PCDHGB2: variants seen among roughly 807,000 people sequenced by gnomAD.
PCDHGB2 encodes the protein protocadherin gamma subfamily B, 2, also known as protocadherin gamma-B2.
A neutral mutation model predicts 59.3 loss-of-function variants in PCDHGB2; 55 were observed. That is an observed-to-expected ratio of 0.93 (90% CI 0.75 to 1.16). The LOEUF is 1.16. PCDHGB2 is among the 50% of genes most tolerant of loss of function. PCDHGB2 has a pLI of 0.00. For synonymous variants in PCDHGB2, 516 were observed against 512.0 expected (o/e 1.01, Z -0.11); for missense variants, 1,228 against 1,198.5 (o/e 1.02, Z -0.36).
At chr5:141,452,839 C>A (rs939513310) in intron 1 of PCDHGB2, among the ~76,000 whole-genome samples, 2 of 152,092 alleles carry the variant, frequency 1.3e-5, no homozygotes, top group Non-Finnish European at 2.9e-5. Flanking sequence ...TTGGTCCAGC[C>A]CACACTCTGG....
At chr5:141,457,500 A>G (rs1483244745) in intron 1 of PCDHGB2, among the ~76,000 whole-genome samples, 1 of 152,244 alleles carries the variant, frequency 6.6e-6, no homozygotes, top group African/African-American at 2.4e-5. Context: ...AAATGTAGGC[A>G]AAAAGCTTAA....
intron 1 of PCDHGB2, among the ~76,000 whole-genome samples, chr5:141,446,827 C>A (rs922071842): frequency 6.6e-6 from 1 of 152,114 alleles, no homozygotes; most frequent in Non-Finnish European, 1.5e-5. Context: ...TGGGTAGATC[C>A]TTATAAGGCT....
chr5:141,487,824 C>A lies in PCDHGB2; in HGVS notation c.2422-6983C>A. The stretch of plus-strand genomic sequence containing the variant: ...TCACAGTTTAGCATTGGGGGCGGGT[C>A]ATGCCTATATCTGAGTAAGAAATGA... On this transcript the variant is annotated intron_variant, in intron 1 of 3. Coordinates refer to ENST00000522605, the MANE Select transcript of PCDHGB2 (RefSeq NM_018923.3). This position sits in a 1 kb window ranked among gnomAD's most constrained non-coding sequence, Gnocchi z 5.0. 2 of 1,247,252 alleles carry A rather than the reference C, an allele frequency of 1.6e-6. No individual in the cohort carries two copies. The highest frequency in any genetic ancestry group is 2.9e-5 in the South Asian group (2 of 68,154). The allele number at this position is 1,247,252 out of a possible 1,614,324, so 77.3% of individuals were successfully genotyped here. A position where few individuals can be genotyped will look rare whatever the true frequency, so the allele number is the denominator to read the frequency against.
At chr5:141,422,806 C>T (rs868426196) in intron 1 of PCDHGB2, 2 of 1,614,208 alleles carry the variant, frequency 1.2e-6, no homozygotes, top group Non-Finnish European at 1.7e-6. Flanking sequence ...TGAGCAGTTT[C>T]GAGACTTAGA....
chr5:141,400,678 TTG>T, intron 1 of PCDHGB2: 1 of 882,002 alleles, frequency 1.1e-6, no homozygotes, highest in Non-Finnish European at 1.7e-6. Flanking sequence ...GAGCAGTAAA[TTG>T]TGAGTTTTTA....
At chr5:141,500,250 C>T (rs913074120) in intron 2 of PCDHGB2, among the ~76,000 whole-genome samples, 4 of 149,826 alleles carry the variant, frequency 2.7e-5, no homozygotes, top group African/African-American at 9.9e-5. Flanking sequence ...GCTCTGTCAC[C>T]CAGGCTGGAC....
At chr5:141,382,900 A>T (rs564801333) in intron 1 of PCDHGB2, 4 of 1,542,372 alleles carry the variant, frequency 2.6e-6, no homozygotes, top group Admixed American at 4.2e-5. Context: ...CAGGACGACT[A>T]TGGCGGCTCA....
At chr5:141,500,789 C>G (rs1006758925) in intron 2 of PCDHGB2, among the ~76,000 whole-genome samples, 2 of 152,142 alleles carry the variant, frequency 1.3e-5, no homozygotes, top group African/African-American at 4.8e-5. Flanking sequence ...TATTATTTTA[C>G]AGAATAAGTC....
At chr5:141,392,010 A>T (rs949188518) in intron 1 of PCDHGB2, 1 of 152,234 alleles carries the variant, frequency 6.6e-6, no homozygotes, top group African/African-American at 2.4e-5. Context: ...TGCAATGGTA[A>T]AAGCATTTAT....
chr5:141,412,906 TG>T (rs2095588206), intron 1 of PCDHGB2: 2 of 384,208 alleles, frequency 5.2e-6, no homozygotes, highest in Admixed American at 8.2e-5. Context: ...TTCCATTGCA[TG>T]TATCACTTGG....
chr5:141,380,674 T>G (rs1293551834), intron 1 of PCDHGB2, among the ~76,000 whole-genome samples: 1 of 152,262 alleles, frequency 6.6e-6, no homozygotes, highest in South Asian at 2.1e-4. Flanking sequence ...CCATAGGGTA[T>G]GTATGCTTTG....
chr5:141,430,383 GAAA>G (rs139772145), intron 1 of PCDHGB2, among the ~76,000 whole-genome samples: 9 of 138,566 alleles, frequency 6.5e-5, no homozygotes, highest in African/African-American at 2.4e-4. Context: ...AGCTCATTGG[GAAA>G]AAAAAAAAAA....
intron 1 of PCDHGB2, chr5:141,366,640 T>C (rs965483539): frequency 6.2e-7 from 1 of 1,614,186 alleles, no homozygotes; most frequent in Non-Finnish European, 8.5e-7. Context: ...ACCTGATCTT[T>C]CCCCAGCCCA....
chr5:141,410,464 G>A, intron 1 of PCDHGB2: 1 of 1,613,994 alleles, frequency 6.2e-7, no homozygotes, highest in South Asian at 1.1e-5. Context: ...CTTATAATCT[G>A]TGCATTGCAC....
chr5:141,428,546 A>C (rs1476382847), intron 1 of PCDHGB2: 1 of 263,642 alleles, frequency 3.8e-6, no homozygotes, highest in Non-Finnish European at 7.5e-6. Flanking sequence ...ATGACACCAG[A>C]AACAGTCCCC....
At chr5:141,421,587 G>T (rs758433133) in intron 1 of PCDHGB2, 6 of 1,613,900 alleles carry the variant, frequency 3.7e-6, no homozygotes, top group Non-Finnish European at 4.2e-6. Flanking sequence ...TTTACGGAGT[G>T]GAGGTGGAAA....
At position 141,388,141 on chromosome 5, in the gene PCDHGB2, T is replaced by C. The variant is rs1239201119; in HGVS notation, c.2421+25585T>C. On this transcript the variant is annotated intron_variant, in intron 1 of 3. Transcript: ENST00000522605. ...AGCGCAGAGAGCGGGGAGTTGCTTG[T>C]GAGCAGCAGGCTAGACAGGGAGGAG... 6.9e-7 allele frequency: 1 copy of C among 1,456,446 alleles called. No individual in the cohort carries two copies. The highest frequency in any genetic ancestry group is 2.3e-4 in the Middle Eastern group (1 of 4,348). The allele number at this position is 1,456,446 out of a possible 1,614,324, so 90.2% of individuals were successfully genotyped here. A position where few individuals can be genotyped will look rare whatever the true frequency, so the allele number is the denominator to read the frequency against.
chr5:141,457,045 C>T (rs1489830197), intron 1 of PCDHGB2, among the ~76,000 whole-genome samples: 1 of 152,198 alleles, frequency 6.6e-6, no homozygotes, highest in African/African-American at 2.4e-5. Context: ...GATAGTAAAA[C>T]TTTCATGCTT....
intron 1 of PCDHGB2, among the ~76,000 whole-genome samples, chr5:141,459,937 G>A (rs904431112): frequency 6.6e-6 from 1 of 152,132 alleles, no homozygotes; most frequent in Non-Finnish European, 1.5e-5. Flanking sequence ...TTGTAGCTGG[G>A]CGTGATGGCA....
Sources: allele counts gnomAD v4.1 joint callset (sites outside exome capture counted in the v4.1 genomes callset), GRCh38; gene constraint gnomAD v4.1.1; non-coding constraint Gnocchi (gnomAD v3.1); transcripts MANE v1.5; gene names NCBI Gene and HGNC (gene_info 2026-07-23, HGNC 2026-07-21).